PLCG2: variants seen among roughly 807,000 people sequenced by gnomAD.
PLCG2 encodes 1-phosphatidylinositol 4,5-bisphosphate phosphodiesterase gamma-2.
PLCG2 carries 69 observed loss-of-function variants against 175.6 expected under a neutral mutation model. That is an observed-to-expected ratio of 0.39 (90% CI 0.32 to 0.48). PLCG2 has a LOEUF of 0.48. PLCG2 is among the 20% of genes least tolerant of loss of function. The probability of loss-of-function intolerance (pLI) is 0.91; values close to 1 mark genes in which losing one functional copy is unlikely to be tolerated. For synonymous variants in PLCG2, 827 were observed against 624.0 expected, an observed-to-expected ratio of 1.33 and a Z score of -4.85; for missense variants, 1,798 against 1,650.9, an observed-to-expected ratio of 1.09 and a Z score of -1.54.
At chr16:81,812,204 C>T (rs1462819829) in intron 2 of PLCG2, among the ~76,000 whole-genome samples, 8 of 152,094 alleles carry the variant, frequency 5.3e-5, no homozygotes, top group Non-Finnish European at 7.4e-5. Flanking sequence ...CACCTGCCAC[C>T]GCGCCTGGCT....
intron 2 of PLCG2, among the ~76,000 whole-genome samples, chr16:81,764,517 C>T (rs1226179594): frequency 2.0e-5 from 3 of 152,166 alleles, no homozygotes; most frequent in South Asian, 2.1e-4. Flanking sequence ...GACACTTTTG[C>T]GACACTGATC....
chr16:81,832,510 C>T (rs1322550266), intron 2 of PLCG2, among the ~76,000 whole-genome samples: 1 of 152,224 alleles, frequency 6.6e-6, no homozygotes, highest in Admixed American at 6.5e-5. Flanking sequence ...CCACCTCAGC[C>T]TCCCAGGTAG....
At chr16:81,876,365 C>G (rs756182392) in intron 7 of PLCG2, among the ~76,000 whole-genome samples, 1 of 152,136 alleles carries the variant, frequency 6.6e-6, no homozygotes, top group Non-Finnish European at 1.5e-5. Flanking sequence ...CCTTCCAGAA[C>G]CAAATGGTTT....
At chr16:81,893,658 C>T (rs1478657397) in intron 11 of PLCG2, 51 bp from the exon 12 acceptor site, 2 of 1,142,166 alleles carry the variant, frequency 1.8e-6, no homozygotes, top group Non-Finnish European at 2.7e-6. Flanking sequence ...GCTTGCCCCC[C>T]AACCCCTGTG....
intron 26 of PLCG2, among the ~76,000 whole-genome samples, chr16:81,935,224 G>T (rs1910657770): frequency 6.6e-6 from 1 of 152,130 alleles, no homozygotes; most frequent in African/African-American, 2.4e-5. Flanking sequence ...TCCAGTTTCT[G>T]GGGGCTGCTG....
chr16:81,895,770 A>C (rs374138065), intron 12 of PLCG2, 37 bp from the exon 13 acceptor site: 21 of 1,612,462 alleles, frequency 1.3e-5, no homozygotes, highest in Non-Finnish European at 1.8e-5. Flanking sequence ...GTCAGTGAAC[A>C]CACGTGGTAT....
chr16:81,785,534 TAA>T (rs1358117220), intron 1 of PLCG2, among the ~76,000 whole-genome samples: 13 of 151,166 alleles, frequency 8.6e-5, no homozygotes, highest in African/African-American at 3.2e-4. Context: ...TGCTCAGGAA[TAA>T]AGAGATGGTT....
intron 19 of PLCG2, among the ~76,000 whole-genome samples, chr16:81,914,363 T>C (rs1420791921): frequency 1.3e-5 from 2 of 152,118 alleles, no homozygotes; most frequent in Admixed American, 1.3e-4. Context: ...GCCAGGACAG[T>C]GTCCGGCAGA....
intron 1 of PLCG2, among the ~76,000 whole-genome samples, chr16:81,740,858 A>T (rs1909578528): frequency 6.6e-6 from 1 of 151,978 alleles, no homozygotes; most frequent in African/African-American, 2.4e-5. Flanking sequence ...GGGGCTTAAA[A>T]AGAATGAAAC....
At chr16:81,953,320 A>T (rs1911441346) in intron 31 of PLCG2, among the ~76,000 whole-genome samples, 1 of 152,180 alleles carries the variant, frequency 6.6e-6, no homozygotes, top group South Asian at 2.1e-4. Flanking sequence ...TTAATTTCTT[A>T]GTTTTGATAC....
chr16:81,921,567 G>A (rs890771684), intron 21 of PLCG2: 16 of 418,418 alleles, frequency 3.8e-5, no homozygotes, highest in Non-Finnish European at 5.8e-5. Context: ...TTTTTGGCTC[G>A]CTGACAGAGC....
chr16:81,760,278 C>T (rs1910010295), intron 2 of PLCG2, among the ~76,000 whole-genome samples: 1 of 152,188 alleles, frequency 6.6e-6, no homozygotes, highest in South Asian at 2.1e-4. Flanking sequence ...GTGCCCACTG[C>T]CAGGACTGGG....
intron 1 of PLCG2, chr16:81,739,470 G>C (rs1218686292): frequency 2.0e-5 from 3 of 152,088 alleles, no homozygotes; most frequent in African/African-American, 7.2e-5. Flanking sequence ...CATTCTCTGG[G>C]AGCCCCCAGT....
chr16:81,865,954 T>G (rs11639811), intron 5 of PLCG2, among the ~76,000 whole-genome samples: 4,638 of 67,776 alleles, frequency 0.068, 162 homozygotes, highest in Middle Eastern at 0.19. Flanking sequence ...CCTCTCCCTT[T>G]CTCCCAGGAT....
chr16:81,885,236 C>G (rs1908301200), intron 9 of PLCG2, among the ~76,000 whole-genome samples: 1 of 152,160 alleles, frequency 6.6e-6, no homozygotes, highest in Admixed American at 6.5e-5. Context: ...GTTGGTCAGC[C>G]TGGTCTTGAA....
At chr16:81,954,466 T>G (rs1911487279) in intron 31 of PLCG2, among the ~76,000 whole-genome samples, 1 of 152,218 alleles carries the variant, frequency 6.6e-6, no homozygotes, top group South Asian at 2.1e-4. Context: ...CTCGTCAACC[T>G]GTCATCTAGG....
intron 2 of PLCG2, among the ~76,000 whole-genome samples, chr16:81,822,244 C>A (rs1020409783): frequency 1.3e-5 from 2 of 152,152 alleles, no homozygotes; most frequent in African/African-American, 2.4e-5. Context: ...ATACTCTCCT[C>A]CTCTGCAGAT....
chr16:81,817,782 C>G (rs1227582793), intron 2 of PLCG2, among the ~76,000 whole-genome samples: 8 of 152,204 alleles, frequency 5.3e-5, no homozygotes, highest in Admixed American at 3.3e-4. Context: ...CCCCTGCACT[C>G]GGTTGTGATT....
chr16:81,940,396 C>T (rs1175396451), intron 30 of PLCG2, among the ~76,000 whole-genome samples: 2 of 152,162 alleles, frequency 1.3e-5, no homozygotes, highest in African/African-American at 4.8e-5. Flanking sequence ...GGTTTGATCT[C>T]CCCCTCCTGC....
Sources: gnomAD v4.1 joint callset for allele counts (sites outside exome capture counted in the v4.1 genomes callset) on GRCh38, gnomAD v4.1.1 for gene constraint, MANE v1.5 for transcripts, NCBI Gene and HGNC (gene_info 2026-07-23, HGNC 2026-07-21) for gene names.